MIS18A: variants seen among roughly 807,000 people sequenced by gnomAD.
The protein encoded by MIS18A is MIS18 kinetochore protein A.
A neutral mutation model predicts 25.0 loss-of-function variants in MIS18A; 14 were observed. The observed-to-expected ratio is 0.56, with a 90% CI of 0.37 to 0.88. The LOEUF is 0.88. MIS18A is among the 40% of genes least tolerant of loss of function. MIS18A has a pLI of 0.00. For missense variants in MIS18A, 292 were observed against 290.8 expected, an observed-to-expected ratio of 1.00 and a Z score of -0.03; for synonymous variants, 134 against 118.6, an observed-to-expected ratio of 1.13 and a Z score of -0.84.
At chr21:32,250,836 C>T in the MIS18A span, among the ~76,000 whole-genome samples, 1 of 152,180 alleles carries the variant, frequency 6.6e-6, no homozygotes, top group African/African-American at 2.4e-5. Context: ...AAGGCTGTCT[C>T]TTAACAGGTG....
At chr21:32,172,711 C>T in the MIS18A span, among the ~76,000 whole-genome samples, 1 of 151,750 alleles carries the variant, frequency 6.6e-6, no homozygotes. Flanking sequence ...TTACAAATCC[C>T]AGCCTCAAAA....
chr21:32,236,156 C>T, the MIS18A span, among the ~76,000 whole-genome samples: 68 of 151,760 alleles, frequency 4.5e-4, no homozygotes, highest in Non-Finnish European at 7.8e-4. Flanking sequence ...GGGTGGATCA[C>T]GAGATCAGGA....
At chr21:32,184,245 C>T in the MIS18A span, among the ~76,000 whole-genome samples, 5 of 152,204 alleles carry the variant, frequency 3.3e-5, no homozygotes, top group Admixed American at 2.6e-4. Context: ...TGTTTGGCCG[C>T]CTACTCACAG....
At chr21:32,236,078 A>G in the MIS18A span, among the ~76,000 whole-genome samples, 2 of 109,520 alleles carry the variant, frequency 1.8e-5, no homozygotes, top group African/African-American at 9.6e-5. Flanking sequence ...TTTATTTAAA[A>G]TAAAAAAAAG....
chr21:32,269,676 CAA>C lies in MIS18A; in HGVS notation c.621+29_621+30del, dbSNP rs1300861321. ...CTTCTTCACTGACAAACTGTTCATA[CAA>C]AGATATAAAATGTACAGAATAAAAT... On this transcript the variant is annotated intron_variant, in intron 4 of 4. Transcript: ENST00000290130. 4 of 1,342,296 alleles carry C rather than the reference CAA, an allele frequency of 3.0e-6. No homozygotes were observed. The East Asian group carries it at 6.9e-5, about 23-fold the overall frequency. 83.1% of individuals were successfully genotyped at this position (1,342,296 alleles called of 1,614,324 possible).
the MIS18A span, among the ~76,000 whole-genome samples, chr21:32,199,571 G>T: frequency 2.0e-5 from 3 of 152,146 alleles, no homozygotes; most frequent in Non-Finnish European, 4.4e-5. Flanking sequence ...ACTTTGAGAG[G>T]GGGAGGCAGG....
Position 32,274,825 on chromosome 21 carries a change from C to G in MIS18A, c.401+5G>C. 1 of 1,606,380 alleles carries G rather than the reference C, an allele frequency of 6.2e-7. No homozygotes were observed. Among genetic ancestry groups the G allele is most frequent in the Non-Finnish European group, 8.5e-7 (1 of 1,173,834 alleles). ...ACATATTCATATAAATACAGTTTTACTCACCAACCATTTTCCTTTTCACGT... is the reference window on the plus strand; with the variant it reads ...ACATATTCATATAAATACAGTTTTAGTCACCAACCATTTTCCTTTTCACGT... On this transcript the variant is annotated splice_donor_5th_base_variant and intron_variant, in intron 2 of 4. Coordinates refer to ENST00000290130, the MANE Select transcript of MIS18A (RefSeq NM_018944.3).
At chr21:32,237,061 C>T in the MIS18A span, among the ~76,000 whole-genome samples, 1 of 151,180 alleles carries the variant, frequency 6.6e-6, no homozygotes, top group Non-Finnish European at 1.5e-5. Context: ...ACCCCCCACC[C>T]CCGCCCTGTA....
chr21:32,188,592 T>C, the MIS18A span, among the ~76,000 whole-genome samples: 16 of 152,120 alleles, frequency 1.1e-4, no homozygotes, highest in African/African-American at 3.6e-4. Context: ...TGAATATTTG[T>C]TGGGTAAGTG....
At chr21:32,185,951 C>T in the MIS18A span, among the ~76,000 whole-genome samples, 8 of 152,312 alleles carry the variant, frequency 5.3e-5, no homozygotes, top group East Asian at 1.2e-3. Context: ...GTAAGTTACA[C>T]CTGAGGACAG....
At chr21:32,155,345 C>T in the MIS18A span, among the ~76,000 whole-genome samples, 13 of 151,930 alleles carry the variant, frequency 8.6e-5, no homozygotes, top group African/African-American at 2.4e-4. Context: ...ACCTCTTCTG[C>T]GATAGTCCCT....
At chr21:32,228,590 T>C in the MIS18A span, among the ~76,000 whole-genome samples, 3 of 152,090 alleles carry the variant, frequency 2.0e-5, no homozygotes, top group Non-Finnish European at 4.4e-5. Flanking sequence ...ATTTTGCATA[T>C]AGAAAATCCT....
At chr21:32,185,221 C>T in the MIS18A span, among the ~76,000 whole-genome samples, 5 of 152,142 alleles carry the variant, frequency 3.3e-5, no homozygotes, top group East Asian at 1.9e-4. Flanking sequence ...CCACCTGGGG[C>T]AGTTTCTATA....
At chr21:32,166,603 A>G in the MIS18A span, among the ~76,000 whole-genome samples, 1 of 152,242 alleles carries the variant, frequency 6.6e-6, no homozygotes, top group African/African-American at 2.4e-5. Context: ...TTAATTAACT[A>G]AGTAACATGA....
downstream of MIS18A, among the ~76,000 whole-genome samples, chr21:32,265,690 C>A (rs565562505): frequency 2.6e-4 from 40 of 152,386 alleles, no homozygotes; most frequent in Non-Finnish European, 5.3e-4. Context: ...CCAGTCCCAT[C>A]GACCACCCAA....
the MIS18A span, among the ~76,000 whole-genome samples, chr21:32,183,378 C>G: frequency 6.6e-6 from 1 of 152,174 alleles, no homozygotes; most frequent in Non-Finnish European, 1.5e-5. Flanking sequence ...CTTTTGCCAA[C>G]AGCTATATAC....
the MIS18A span, among the ~76,000 whole-genome samples, chr21:32,246,564 C>G: frequency 1.3e-5 from 2 of 152,156 alleles, no homozygotes; most frequent in Admixed American, 6.5e-5. Flanking sequence ...CATCCAAGCA[C>G]CCAGGAAACT....
At chr21:32,194,801 A>G in the MIS18A span, among the ~76,000 whole-genome samples, 3 of 152,254 alleles carry the variant, frequency 2.0e-5, no homozygotes, top group Non-Finnish European at 4.4e-5. Flanking sequence ...CAGAAAGCCA[A>G]AAACTGCAAC....
At chr21:32,230,120 A>G in the MIS18A span, among the ~76,000 whole-genome samples, 1 of 152,240 alleles carries the variant, frequency 6.6e-6, no homozygotes, top group African/African-American at 2.4e-5. Flanking sequence ...TAGGTCTGCC[A>G]AAGGGTAGAG....
Sources: gnomAD v4.1 joint callset for allele counts (sites outside exome capture counted in the v4.1 genomes callset) on GRCh38, gnomAD v4.1.1 for gene constraint, MANE v1.5 for transcripts, NCBI Gene and HGNC (gene_info 2026-07-23, HGNC 2026-07-21) for gene names.